The following CAST variants were observed in gnomAD, a reference collection of about 807,000 sequenced individuals.
CAST encodes the protein MIR583 host.
CAST carries 76 observed loss-of-function variants against 119.6 expected under a neutral mutation model. The observed-to-expected ratio is 0.64, with a 90% CI of 0.53 to 0.77. The LOEUF (loss-of-function observed/expected upper bound fraction) is 0.77, where lower values mean the gene tolerates loss of function less well. CAST is among the 30% of genes least tolerant of loss of function. The pLI is 0.00. For missense variants in CAST, 953 were observed against 946.5 expected, an observed-to-expected ratio of 1.01 and a Z score of -0.09; for synonymous variants, 319 against 331.6, an observed-to-expected ratio of 0.96 and a Z score of 0.41.
chr5:96,035,287 T>A, the CAST span, among the ~76,000 whole-genome samples: 3 of 150,212 alleles, frequency 2.0e-5, no homozygotes, highest in Admixed American at 6.7e-5. Flanking sequence ...TTAATTAAAA[T>A]TTTTTTAAAT....
chr5:96,626,717 C>T (rs1747731545), intron 1 of CAST, among the ~76,000 whole-genome samples: 1 of 152,174 alleles, frequency 6.6e-6, no homozygotes. Context: ...TTCTTCATGA[C>T]AGTTTTTCTC....
intron 2 of CAST, among the ~76,000 whole-genome samples, chr5:96,693,509 A>G (rs1051947410): frequency 2.6e-5 from 4 of 152,222 alleles, no homozygotes; most frequent in African/African-American, 4.8e-5. Flanking sequence ...GCCTTCCTCA[A>G]TTGTAGCTAA....
At chr5:96,050,889 C>A in the CAST span, among the ~76,000 whole-genome samples, 1 of 151,980 alleles carries the variant, frequency 6.6e-6, no homozygotes, top group Admixed American at 6.6e-5. Context: ...CCTGAACCCC[C>A]AGAATTTAGC....
At chr5:96,343,241 C>T in the CAST span, among the ~76,000 whole-genome samples, 1 of 152,046 alleles carries the variant, frequency 6.6e-6, no homozygotes, top group Non-Finnish European at 1.5e-5. Context: ...TTAAAGACCT[C>T]AGCTGTAGAT....
chr5:96,335,098 G>A, the CAST span, among the ~76,000 whole-genome samples: 1 of 152,008 alleles, frequency 6.6e-6, no homozygotes, highest in Admixed American at 6.5e-5. Flanking sequence ...CCTCTTGCAG[G>A]GGTATGTCCT....
chr5:96,159,080 C>T, the CAST span, among the ~76,000 whole-genome samples: 10 of 152,158 alleles, frequency 6.6e-5, no homozygotes, highest in Non-Finnish European at 1.3e-4. Flanking sequence ...TGTAGATTTT[C>T]CTTTAGGCTT....
chr5:96,654,853 G>T (rs527411453), intron 1 of CAST, among the ~76,000 whole-genome samples: 8 of 152,252 alleles, frequency 5.3e-5, no homozygotes, highest in African/African-American at 1.9e-4. Flanking sequence ...TTCATAGCTA[G>T]CTCAAAAGTT....
At chr5:96,019,619 T>C in the CAST span, among the ~76,000 whole-genome samples, 51 of 152,318 alleles carry the variant, frequency 3.3e-4, no homozygotes, top group South Asian at 8.3e-4. Context: ...CATCTGCTTC[T>C]GATATCTAGA....
chr5:96,441,212 G>A, the CAST span, among the ~76,000 whole-genome samples: 1 of 152,188 alleles, frequency 6.6e-6, no homozygotes, highest in Non-Finnish European at 1.5e-5. Context: ...CTGGAGTAGG[G>A]AGGCATCTTG....
the CAST span, among the ~76,000 whole-genome samples, chr5:96,481,938 T>TA: frequency 1.3e-5 from 2 of 152,074 alleles, no homozygotes; most frequent in Non-Finnish European, 2.9e-5. Context: ...CTTGACAACT[T>TA]AAAAAAACTC....
At chr5:96,339,711 G>T in the CAST span, among the ~76,000 whole-genome samples, 1 of 152,130 alleles carries the variant, frequency 6.6e-6, no homozygotes, top group Non-Finnish European at 1.5e-5. Context: ...ACCAGTTATG[G>T]ATACACTTGT....
the CAST span, among the ~76,000 whole-genome samples, chr5:96,297,204 A>G: frequency 6.6e-6 from 1 of 152,206 alleles, no homozygotes; most frequent in Non-Finnish European, 1.5e-5. Flanking sequence ...ATTAGCTGGA[A>G]AGTTTTGAGC....
chr5:96,700,692 G>C (rs1475110779), intron 3 of CAST, among the ~76,000 whole-genome samples: 2 of 152,136 alleles, frequency 1.3e-5, no homozygotes, highest in African/African-American at 4.8e-5. Flanking sequence ...CAGATTCTCA[G>C]GTTTGAAGCC....
the CAST span, among the ~76,000 whole-genome samples, chr5:96,367,601 G>A: frequency 6.6e-6 from 1 of 152,114 alleles, no homozygotes; most frequent in Non-Finnish European, 1.5e-5. Flanking sequence ...GCTAGGCTCT[G>A]TGGGTGTGGG....
the CAST span, among the ~76,000 whole-genome samples, chr5:96,374,525 G>T: frequency 6.6e-6 from 1 of 152,186 alleles, no homozygotes; most frequent in African/African-American, 2.4e-5. Flanking sequence ...ACTGTACTAT[G>T]CACTAGACTC....
the CAST span, among the ~76,000 whole-genome samples, chr5:96,190,770 G>C: frequency 6.6e-6 from 1 of 151,964 alleles, no homozygotes; most frequent in African/African-American, 2.4e-5. Context: ...ACATGTGCAG[G>C]TTTATTACTT....
the CAST span, among the ~76,000 whole-genome samples, chr5:96,281,123 T>C: frequency 1.3e-5 from 2 of 152,352 alleles, no homozygotes; most frequent in African/African-American, 4.8e-5. Context: ...GAGCCCATAA[T>C]TGGTCAAAAT....
chr5:96,535,700 A>G (rs1745798264), intron 1 of CAST, among the ~76,000 whole-genome samples: 1 of 149,022 alleles, frequency 6.7e-6, no homozygotes, highest in Non-Finnish European at 1.5e-5. Flanking sequence ...CAGCCTCTCG[A>G]GTAGCTGGGA....
chr5:96,033,780 C>T, the CAST span, among the ~76,000 whole-genome samples: 1 of 151,846 alleles, frequency 6.6e-6, no homozygotes, highest in Non-Finnish European at 1.5e-5. Flanking sequence ...GCATCAGCAA[C>T]AAAAGTGAAA....
Sources: gnomAD v4.1 joint callset for allele counts (sites outside exome capture counted in the v4.1 genomes callset) on GRCh38, gnomAD v4.1.1 for gene constraint, MANE v1.5 for transcripts, NCBI Gene and HGNC (gene_info 2026-07-23, HGNC 2026-07-21) for gene names.